Variants in HACE1 observed in about 807,000 individuals in gnomAD.
HACE1 encodes the protein E3 ubiquitin-protein ligase HACE1.
HACE1 carries 73 observed loss-of-function variants against 118.4 expected under a neutral mutation model. The observed-to-expected ratio is 0.62, with a 90% CI of 0.51 to 0.75. HACE1 has a LOEUF of 0.75. Ranked by LOEUF, HACE1 falls within the 30% of genes least tolerant of loss-of-function variation. HACE1 has a pLI of 0.00. For missense variants in HACE1, 749 were observed against 1,102.2 expected (o/e 0.68, Z 4.54); for synonymous variants, 368 against 374.8 (o/e 0.98, Z 0.21).
rs545840797 is a variant in HACE1, at chr6:104,814,262, A to G, written c.535-2869T>C. Among the ~76,000 whole-genome samples the G allele has an allele frequency of 1.2e-4, 17 of 137,960 alleles. 4 individuals are homozygous for G. The highest frequency in any genetic ancestry group is 4.3e-4 in the African/African-American group (15 of 34,496). The allele number at this position is 137,960 out of a possible 152,430, so 90.5% of individuals were successfully genotyped here. On this transcript the variant is annotated intron_variant, in intron 6 of 23. Transcript: ENST00000262903. ...AGTCTATTAAATCAAAAGACCTTCA[A>G]CGAGGCATGTCAAAGTGAAATTTCA...
intron 4 of HACE1, among the ~76,000 whole-genome samples, chr6:104,845,383 T>C (rs1324788231): frequency 6.6e-6 from 1 of 152,152 alleles, no homozygotes; most frequent in Non-Finnish European, 1.5e-5. Context: ...GACAAGTTAC[T>C]TTTCTTGCTT....
chr6:104,780,243 T>C (rs1431598680), intron 14 of HACE1: 3 of 255,996 alleles, frequency 1.2e-5, no homozygotes, highest in African/African-American at 6.9e-5. Context: ...AGTGGAACAT[T>C]AAAAGGTACA....
At chr6:104,788,602 A>C (rs530738832) in intron 11 of HACE1, among the ~76,000 whole-genome samples, 1 of 152,284 alleles carries the variant, frequency 6.6e-6, no homozygotes, top group South Asian at 2.1e-4. Flanking sequence ...AAAGTTTCAC[A>C]ATCTTTCTTG....
At chr6:104,857,742 G>C (rs1776873927) in intron 1 of HACE1, among the ~76,000 whole-genome samples, 1 of 151,686 alleles carries the variant, frequency 6.6e-6, no homozygotes, top group African/African-American at 2.4e-5. Context: ...CAGATCACGA[G>C]GTCAGGCGAT....
At chr6:104,821,913 T>C (rs1772754136) in intron 6 of HACE1, among the ~76,000 whole-genome samples, 1 of 152,122 alleles carries the variant, frequency 6.6e-6, no homozygotes, top group African/African-American at 2.4e-5. Flanking sequence ...AGACAGCTAC[T>C]TGTGTATGGT....
rs1219161442 is a variant in HACE1 at position 104,784,407 on chromosome 6, G to A, written c.1478+10C>T. 6.3e-7 allele frequency: 1 copy of A among 1,590,324 alleles called. No individual in the cohort carries two copies. Among genetic ancestry groups the A allele is most frequent in the Non-Finnish European group, 8.6e-7 (1 of 1,158,466 alleles). On this transcript the variant is annotated intron_variant, in intron 13 of 23. Coordinates refer to ENST00000262903, the MANE Select transcript of HACE1 (RefSeq NM_020771.4). ...GCTAGCAGGGTACTCCACAAACCCA[G>A]AAAGCTTACCTATTAACAAAGCATT... is the stretch of plus-strand genomic sequence containing the variant.
chr6:104,737,760 C>T (rs919281393), intron 22 of HACE1, among the ~76,000 whole-genome samples: 2 of 152,202 alleles, frequency 1.3e-5, no homozygotes, highest in Non-Finnish European at 1.5e-5. Flanking sequence ...GAGGGGCGCC[C>T]GCCATTTTCC....
At chr6:104,759,446 A>G (rs952217756) in intron 19 of HACE1, among the ~76,000 whole-genome samples, 2 of 152,232 alleles carry the variant, frequency 1.3e-5, no homozygotes, top group Non-Finnish European at 2.9e-5. Context: ...CTCCTGAATG[A>G]CTACAGGGTA....
chr6:104,850,201 C>T (rs181382187), intron 3 of HACE1, among the ~76,000 whole-genome samples: 1 of 152,292 alleles, frequency 6.6e-6, no homozygotes, highest in East Asian at 1.9e-4. Flanking sequence ...CTACCCACCT[C>T]AGCCTCCAAA....
intron 1 of HACE1, among the ~76,000 whole-genome samples, chr6:104,853,696 C>T (rs1336604967): frequency 6.6e-6 from 1 of 152,092 alleles, no homozygotes; most frequent in African/African-American, 2.4e-5. Context: ...CTATCTTAAT[C>T]AACTGACAAA....
chr6:104,770,441 G>A (rs1013015328), intron 19 of HACE1, among the ~76,000 whole-genome samples: 7 of 152,034 alleles, frequency 4.6e-5, no homozygotes, highest in Admixed American at 1.3e-4. Context: ...AAATAAGGCC[G>A]AGAGTGGTGG....
At chr6:104,847,654 A>G (rs1170859537) in intron 4 of HACE1, among the ~76,000 whole-genome samples, 1 of 152,122 alleles carries the variant, frequency 6.6e-6, no homozygotes, top group Admixed American at 6.5e-5. Flanking sequence ...GGATTGATGT[A>G]ATGGACAATT....
chr6:104,784,208 A>T, intron 13 of HACE1, 35 bp from the exon 14 acceptor site: 1 of 1,167,072 alleles, frequency 8.6e-7, no homozygotes, highest in Non-Finnish European at 1.3e-6. Flanking sequence ...ATGGACAGGA[A>T]GAATGAGTAG....
chr6:104,807,173 G>A (rs991885952), intron 7 of HACE1, among the ~76,000 whole-genome samples: 11 of 151,892 alleles, frequency 7.2e-5, no homozygotes, highest in African/African-American at 2.2e-4. Flanking sequence ...ACAGGCGTGC[G>A]CCACAATGCC....
chr6:104,811,509 G>C, intron 6 of HACE1, 116 bp from the exon 7 acceptor site: 2 of 618,944 alleles, frequency 3.2e-6, no homozygotes, highest in Admixed American at 3.8e-5. Context: ...CTTTACATAG[G>C]AACTGAGTGG....
At chr6:104,843,150 G>T in intron 5 of HACE1, 73 bp downstream of exon 5, 1 of 828,434 alleles carries the variant, frequency 1.2e-6, no homozygotes. Flanking sequence ...ACTACACTTT[G>T]CCTAACTGTC....
At chr6:104,790,490 C>T (rs917027311) in intron 11 of HACE1, among the ~76,000 whole-genome samples, 9 of 152,200 alleles carry the variant, frequency 5.9e-5, no homozygotes, top group South Asian at 2.1e-4. Context: ...CAGTGGCTCA[C>T]GCCTGCAATC....
At chr6:104,751,929 AAAAC>A (rs1391729349) in intron 19 of HACE1, among the ~76,000 whole-genome samples, 10 of 147,138 alleles carry the variant, frequency 6.8e-5, no homozygotes, top group African/African-American at 2.0e-4. Flanking sequence ...GCTCTGTTCA[AAAAC>A]AAACAAACAA....
At chr6:104,732,189 T>C (rs1408280519) in intron 22 of HACE1, 1 of 152,176 alleles carries the variant, frequency 6.6e-6, no homozygotes, top group Non-Finnish European at 1.5e-5. Context: ...AGAATTATCA[T>C]ATGATCAGGC....
Sources: gnomAD v4.1 joint callset for allele counts (sites outside exome capture counted in the v4.1 genomes callset) on GRCh38, gnomAD v4.1.1 for gene constraint, MANE v1.5 for transcripts, NCBI Gene and HGNC (gene_info 2026-07-23, HGNC 2026-07-21) for gene names.